SHANK2: variants seen among roughly 807,000 people sequenced by gnomAD.
SHANK2 encodes the protein SH3 and multiple ankyrin repeat domains 2.
A neutral mutation model predicts 133.7 loss-of-function variants in SHANK2; 43 were observed. The observed-to-expected ratio is 0.32, with a 90% CI of 0.25 to 0.41. SHANK2 has a LOEUF of 0.41. SHANK2 is among the 10% of genes least tolerant of loss of function. The pLI is 1.00. For synonymous variants in SHANK2, 1,017 were observed against 952.8 expected, an observed-to-expected ratio of 1.07 and a Z score of -1.24; for missense variants, 1,994 against 2,235.8, an observed-to-expected ratio of 0.89 and a Z score of 2.18.
intron 14 of SHANK2, among the ~76,000 whole-genome samples, chr11:70,713,763 C>T (rs1044928320): frequency 6.6e-5 from 10 of 152,218 alleles, no homozygotes; most frequent in Non-Finnish European, 1.0e-4. Context: ...TTCCACCATC[C>T]GTCATGCCTT....
At chr11:70,873,207 A>G (rs1555070555) in intron 11 of SHANK2, 2 of 446,192 alleles carry the variant, frequency 4.5e-6, no homozygotes, top group African/African-American at 4.1e-5. Context: ...CTCAGACACT[A>G]AACAATGAGT....
At chr11:70,654,252 G>A (rs936953250) in intron 17 of SHANK2, 4 of 152,190 alleles carry the variant, frequency 2.6e-5, no homozygotes, top group South Asian at 2.1e-4. Flanking sequence ...GAATGGCCCC[G>A]GGAAATTAAT....
At chr11:70,493,567 T>TA (rs1349043044) in intron 21 of SHANK2, among the ~76,000 whole-genome samples, 1 of 151,876 alleles carries the variant, frequency 6.6e-6, no homozygotes, top group Admixed American at 6.6e-5. Context: ...AGGGTGTGTC[T>TA]AAGGCTGTTT....
At chr11:70,564,042 T>C (rs2059939408) in intron 17 of SHANK2, among the ~76,000 whole-genome samples, 1 of 152,140 alleles carries the variant, frequency 6.6e-6, no homozygotes, top group Non-Finnish European at 1.5e-5. Flanking sequence ...ATGTGTCACG[T>C]GTCCTTTTAT....
rs192304837 is a variant in SHANK2 at position 70,533,107 on chromosome 11, C to T, written c.2062-30176G>A. Among the ~76,000 whole-genome samples the T allele has an allele frequency of 2.5e-3, 380 of 152,258 alleles. 1 individual carries two copies. Among genetic ancestry groups the T allele is most frequent in the South Asian group, 5.2e-3 (25 of 4,830 alleles). The stretch of plus-strand genomic sequence containing the variant: ...CTGGGGGGAGGGGCAATGGGAGGGA[C>T]GGCCCTTGGGGACGGGGTTTCCTTC... On this transcript the variant is annotated intron_variant, in intron 17 of 25. Transcript: ENST00000601538.
intron 1 of SHANK2, among the ~76,000 whole-genome samples, chr11:71,229,914 A>G (rs1161827896): frequency 1.3e-5 from 2 of 152,200 alleles, no homozygotes; most frequent in East Asian, 3.8e-4. Flanking sequence ...CTGTTCATGG[A>G]TTGGAAGACT....
chr11:71,219,126 G>A (rs1954481054), intron 2 of SHANK2, among the ~76,000 whole-genome samples: 1 of 152,200 alleles, frequency 6.6e-6, no homozygotes, highest in South Asian at 2.1e-4. Flanking sequence ...GCATTTCTCA[G>A]AATCACATCA....
intron 2 of SHANK2, among the ~76,000 whole-genome samples, chr11:71,159,782 G>C (rs781831204): frequency 1.6e-4 from 25 of 151,976 alleles, no homozygotes; most frequent in Non-Finnish European, 3.1e-4. Flanking sequence ...TCAGGAGTTC[G>C]AGACCAGCCT....
chr11:70,537,265 C>T (rs2059556658), intron 17 of SHANK2, among the ~76,000 whole-genome samples: 1 of 152,218 alleles, frequency 6.6e-6, no homozygotes, highest in South Asian at 2.1e-4. Context: ...GCCCCCAGGG[C>T]CAGCATGGCA....
intron 3 of SHANK2, among the ~76,000 whole-genome samples, chr11:71,121,579 A>C (rs556088545): frequency 3.2e-4 from 49 of 152,270 alleles, no homozygotes; most frequent in African/African-American, 1.1e-3. Flanking sequence ...ATTAGATCCC[A>C]CTTGTCTATT....
At chr11:70,662,353 C>T (rs1944572672) in intron 15 of SHANK2, among the ~76,000 whole-genome samples, 1 of 152,204 alleles carries the variant, frequency 6.6e-6, no homozygotes, top group African/African-American at 2.4e-5. Flanking sequence ...GACGAGCCCA[C>T]AGTGCGCCCG....
At chr11:70,503,051 G>A in intron 17 of SHANK2, 120 bp from the exon 18 acceptor site, 1 of 1,082,542 alleles carries the variant, frequency 9.2e-7, no homozygotes, top group Non-Finnish European at 1.4e-6. Context: ...GGAAGCAAAG[G>A]GAGTGAGACC....
chr11:70,833,990 A>G (rs7932689), intron 11 of SHANK2, among the ~76,000 whole-genome samples: 27,135 of 152,272 alleles, frequency 0.18, 3,129 homozygotes, highest in Non-Finnish European at 0.25. Context: ...CACAAGGGCC[A>G]GCTTTGAGCG....
intron 11 of SHANK2, among the ~76,000 whole-genome samples, chr11:70,828,620 G>C (rs1480722254): frequency 1.3e-5 from 2 of 152,240 alleles, no homozygotes; most frequent in African/African-American, 4.8e-5. Context: ...GACCAGCCAG[G>C]GGGGCCAGAA....
At chr11:71,217,693 C>T (rs1366266533) in intron 2 of SHANK2, among the ~76,000 whole-genome samples, 4 of 152,088 alleles carry the variant, frequency 2.6e-5, no homozygotes, top group South Asian at 4.2e-4. Context: ...CCAAGGCTAA[C>T]GTGTGGATTT....
At chr11:70,720,198 C>T (rs1434966883) in intron 14 of SHANK2, among the ~76,000 whole-genome samples, 1 of 152,188 alleles carries the variant, frequency 6.6e-6, no homozygotes, top group Non-Finnish European at 1.5e-5. Context: ...CCATAAACAC[C>T]GACTACCTGC....
chr11:70,930,325 T>C (rs1950485083), intron 10 of SHANK2, among the ~76,000 whole-genome samples: 1 of 152,140 alleles, frequency 6.6e-6, no homozygotes, highest in Non-Finnish European at 1.5e-5. Context: ...TCCTTTTGTC[T>C]GGATCCTGGG....
chr11:71,056,844 GGAAGAAA>G (rs1208355875), intron 9 of SHANK2, among the ~76,000 whole-genome samples: 2 of 151,684 alleles, frequency 1.3e-5, no homozygotes, highest in South Asian at 2.1e-4. Context: ...AATACAGAAA[GGAAGAAA>G]GAAGAAAGAA....
intron 2 of SHANK2, among the ~76,000 whole-genome samples, chr11:71,187,133 G>A (rs1162713910): frequency 1.3e-5 from 2 of 152,230 alleles, no homozygotes; most frequent in African/African-American, 4.8e-5. Context: ...CTGCAGTCCT[G>A]TTGGCTGCTG....
Sources: allele counts gnomAD v4.1 joint callset (sites outside exome capture counted in the v4.1 genomes callset), GRCh38; gene constraint gnomAD v4.1.1; transcripts MANE v1.5; gene names NCBI Gene and HGNC (gene_info 2026-07-23, HGNC 2026-07-21).